The following ELAPOR2 variants were observed in gnomAD, a reference collection of about 807,000 sequenced individuals.
ELAPOR2 encodes endosome-lysosome associated apoptosis and autophagy regulator family member 2, also known as endosome/lysosome-associated apoptosis and autophagy regulator family member 2.
ELAPOR2 carries 89 observed loss-of-function variants against 120.7 expected under a neutral mutation model. That is an observed-to-expected ratio of 0.74 (90% CI 0.62 to 0.88). The LOEUF (loss-of-function observed/expected upper bound fraction) is 0.88, where lower values mean the gene tolerates loss of function less well. ELAPOR2 is among the 40% of genes least tolerant of loss of function. The pLI is 0.00. For synonymous variants in ELAPOR2, 444 were observed against 444.9 expected (o/e 1.00, Z 0.03); for missense variants, 1,134 against 1,251.6 (o/e 0.91, Z 1.42).
Position 86,878,556 on chromosome 7 carries a change from A to T in ELAPOR2, c.*1915T>A, listed in dbSNP as rs1799257173. The T allele has an allele frequency of 6.6e-6, 1 of 152,190 alleles. No homozygotes were observed. Among genetic ancestry groups the T allele is most frequent in the South Asian group, 2.1e-4 (1 of 4,828 alleles). 9.4% of individuals were successfully genotyped at this position (152,190 alleles called of 1,614,324 possible). On this transcript the variant is annotated 3_prime_UTR_variant, in exon 22 of 22. Coordinates refer to ENST00000450689, the MANE Select transcript of ELAPOR2 (RefSeq NM_001142749.3). ...ATGGCTTGGAACATACATATTGAACACAGTGGAAGATGAGGAGAAAGGTGA... is the reference window on the plus strand; with the variant it reads ...ATGGCTTGGAACATACATATTGAACTCAGTGGAAGATGAGGAGAAAGGTGA...
chr7:86,964,453 T>C (rs372603727), intron 2 of ELAPOR2, among the ~76,000 whole-genome samples: 1 of 152,122 alleles, frequency 6.6e-6, no homozygotes. Context: ...CTAAAAAAAA[T>C]ATCCATTGCA....
Position 86,914,712 on chromosome 7 carries a change from T to C in ELAPOR2, c.1731+11A>G, listed in dbSNP as rs1405469555. The C allele has an allele frequency of 6.3e-6, 10 of 1,596,908 alleles. No homozygotes were observed. The highest frequency in any genetic ancestry group is 1.8e-5 in the Admixed American group (1 of 56,316). On this transcript the variant is annotated intron_variant, in intron 13 of 21. Coordinates refer to ENST00000450689, the MANE Select transcript of ELAPOR2 (RefSeq NM_001142749.3). ...TGTTTAAAATTTTAAAAAAAAGTGC[T>C]TGGAACTTACATCTTGACCCTGATT... is the stretch of plus-strand genomic sequence containing the variant.
At chr7:86,990,004 T>G (rs1635031) in intron 1 of ELAPOR2, among the ~76,000 whole-genome samples, 10 of 151,730 alleles carry the variant, frequency 6.6e-5, no homozygotes, top group African/African-American at 2.2e-4. Flanking sequence ...GGTGGCGCCT[T>G]TAAGAGGTGA....
At chr7:86,980,625 C>T (rs1633451) in intron 1 of ELAPOR2, among the ~76,000 whole-genome samples, 57,404 of 151,644 alleles carry the variant, frequency 0.38, 11,707 homozygotes, top group African/African-American at 0.53. Context: ...AATTGTCTCC[C>T]ATCTTCTGTT....
At chr7:86,951,204 T>C (rs1791230733) in intron 2 of ELAPOR2, among the ~76,000 whole-genome samples, 1 of 152,206 alleles carries the variant, frequency 6.6e-6, no homozygotes, top group South Asian at 2.1e-4. Flanking sequence ...TATGGCTGCT[T>C]TCACACCACA....
In ELAPOR2 at chr7:86,914,839, T is replaced by A. The variant is rs1029366; in HGVS notation, c.1615A>T (p.Asn539Tyr). ...FMVDINRKST[N>Y]VVESWGGTKE... ...GTTCCACCCCACGATTCTACCACAT[T>A]TGTACTTTTTCTATTAATATCCTGA... Residue 539 changes from asparagine to tyrosine, a missense_variant, in exon 13 of 22, where the codon AAT (asparagine) becomes TAT (tyrosine). Physicochemically the swap from Asn to Tyr is moderately radical, Grantham distance 143. This residue lies in a region of ELAPOR2 where 831 missense variants were observed against 867.6 expected (regional missense o/e 0.96). Coordinates refer to ENST00000450689, the MANE Select transcript of ELAPOR2 (RefSeq NM_001142749.3). 1.9e-6 allele frequency: 3 copies of A among 1,610,012 alleles called. No individual in the cohort carries two copies. In the African/African-American group the frequency reaches 4.0e-5, roughly 22 times the overall value.
At chr7:86,980,327 T>G (rs1450211295) in intron 1 of ELAPOR2, among the ~76,000 whole-genome samples, 1 of 152,202 alleles carries the variant, frequency 6.6e-6, no homozygotes, top group Non-Finnish European at 1.5e-5. Flanking sequence ...AACAATTCTG[T>G]CTTTGCTGTA....
At chr7:86,995,350 T>C (rs1363898770) in intron 1 of ELAPOR2, among the ~76,000 whole-genome samples, 1 of 152,192 alleles carries the variant, frequency 6.6e-6, no homozygotes, top group Non-Finnish European at 1.5e-5. Context: ...AGTGGCTGTA[T>C]TACAACTTTA....
intron 1 of ELAPOR2, among the ~76,000 whole-genome samples, chr7:87,011,663 C>A (rs972894639): frequency 1.1e-4 from 17 of 152,172 alleles, no homozygotes; most frequent in African/African-American, 4.1e-4. Flanking sequence ...TTCACAGAAG[C>A]ACATAACAAC....
chr7:86,963,862 A>G (rs1276782150), intron 2 of ELAPOR2, among the ~76,000 whole-genome samples: 1 of 152,150 alleles, frequency 6.6e-6, no homozygotes, highest in Non-Finnish European at 1.5e-5. Context: ...TGCTACACTG[A>G]AGCTTTCACC....
At chr7:86,987,616 T>C (rs1377949740) in intron 1 of ELAPOR2, among the ~76,000 whole-genome samples, 1 of 152,068 alleles carries the variant, frequency 6.6e-6, no homozygotes, top group East Asian at 1.9e-4. Context: ...TCACTGGTCA[T>C]CAGAGAAATG....
chr7:86,899,995 A>T (rs534855025), intron 18 of ELAPOR2, among the ~76,000 whole-genome samples: 1 of 152,098 alleles, frequency 6.6e-6, no homozygotes, highest in Admixed American at 6.6e-5. Context: ...GCAACTCAAA[A>T]TTTTTCTTTC....
intron 1 of ELAPOR2, among the ~76,000 whole-genome samples, chr7:87,015,781 C>T (rs561259881): frequency 3.3e-5 from 5 of 152,226 alleles, no homozygotes; most frequent in East Asian, 1.9e-4. Flanking sequence ...GCCAAGATCA[C>T]GCCACTGCAC....
chr7:86,947,342 G>A (rs1199668492), intron 3 of ELAPOR2, among the ~76,000 whole-genome samples: 1 of 152,060 alleles, frequency 6.6e-6, no homozygotes, highest in East Asian at 1.9e-4. Context: ...CTCTTTTATA[G>A]GAGATAATCA....
chr7:86,887,355 C>G (rs1799741981), intron 21 of ELAPOR2, among the ~76,000 whole-genome samples: 1 of 152,094 alleles, frequency 6.6e-6, no homozygotes, highest in African/African-American at 2.4e-5. Flanking sequence ...GCAGAGGTTA[C>G]TGCAGATGCC....
chr7:86,949,435 G>A (rs991966136), intron 2 of ELAPOR2, among the ~76,000 whole-genome samples: 11 of 152,158 alleles, frequency 7.2e-5, no homozygotes, highest in African/African-American at 2.7e-4. Flanking sequence ...CAGGCAGCAC[G>A]TTCCATGGAG....
In ELAPOR2 at chr7:86,947,791, T is replaced by C. The variant is rs1345955536; in HGVS notation, c.442A>G (p.Asn148Asp). 6.4e-7 allele frequency: 1 copy of C among 1,551,792 alleles called. No homozygotes were observed. The highest frequency in any genetic ancestry group is 8.7e-7 in the Non-Finnish European group (1 of 1,147,008). The change falls in exon 3 of 22, where the codon AAC (asparagine) becomes GAC (aspartate). Residue 148 changes from asparagine to aspartate, a missense_variant. By Grantham distance (23) the Asn-to-Asp change is conservative. Around this residue, in one of 3 missense-constraint regions of ELAPOR2, gnomAD observed 280 missense variants for 331.5 expected, o/e 0.84. Transcript: ENST00000450689. ...EWDELPAGFS[N>D]IATFMDTVVG... ...ACAGTGTCCATGAATGTTGCGATGT[T>C]AGAAAATCCTGCCGGCAATTCATCC...
intron 18 of ELAPOR2, among the ~76,000 whole-genome samples, chr7:86,899,389 C>T (rs2115923566): frequency 1.3e-5 from 2 of 152,190 alleles, no homozygotes; most frequent in East Asian, 3.9e-4. Context: ...ATAGGCTTTG[C>T]CCTGAAAACC....
intron 2 of ELAPOR2, among the ~76,000 whole-genome samples, chr7:86,952,137 T>C (rs181656942): frequency 3.3e-5 from 5 of 152,372 alleles, no homozygotes; most frequent in African/African-American, 9.6e-5. Context: ...CTCACCACTC[T>C]GCATATGTCT....
Sources: allele counts gnomAD v4.1 joint callset (sites outside exome capture counted in the v4.1 genomes callset), GRCh38; gene constraint gnomAD v4.1.1; regional missense constraint gnomAD v4.1.1; transcripts MANE v1.5; gene names NCBI Gene and HGNC (gene_info 2026-07-23, HGNC 2026-07-21).